Variants in GCC2 observed in about 807,000 individuals in gnomAD.
The protein encoded by GCC2 is GRIP and coiled-coil domain containing 2.
In GCC2, 120 loss-of-function variants were observed where a neutral mutation model predicts 210.6. The observed-to-expected ratio is 0.57, with a 90% confidence interval of 0.49 to 0.66. The LOEUF (loss-of-function observed/expected upper bound fraction) is 0.66. Among genes scored for constraint, GCC2 ranks in the 30% least tolerant of loss-of-function variants. The pLI is 0.00. For missense variants in GCC2, 1,868 were observed against 1,871.9 expected (o/e 1.00, Z 0.04); for synonymous variants, 703 against 652.7 (o/e 1.08, Z -1.17).
chr2:108,507,438 T>TA lies in GCC2; in HGVS notation c.4985-116dup, dbSNP rs1321672070. 2.4e-5 allele frequency: 12 copies of TA among 495,812 alleles called. No homozygotes were observed. In the South Asian group the frequency reaches 2.4e-4, roughly 10 times the overall value. The allele number at this position is 495,812 out of a possible 1,614,324, so 30.7% of individuals were successfully genotyped here. On this transcript the variant is annotated intron_variant, in intron 22 of 22. Transcript: ENST00000309863. ...CCCCAAAAAAAAGGCATGTAATCAG[T>TA]AAAAAACACATTATTTGCTTATATT...
chr2:108,503,535 A>T (rs1683033415), intron 22 of GCC2, among the ~76,000 whole-genome samples: 2 of 152,168 alleles, frequency 1.3e-5, no homozygotes, highest in African/African-American at 4.8e-5. Flanking sequence ...TGGTCACACT[A>T]GGGGCATTTT....
At chr2:108,481,535 T>A (rs540131418) in intron 9 of GCC2, among the ~76,000 whole-genome samples, 162 bp from the exon 10 acceptor site, 2 of 152,208 alleles carry the variant, frequency 1.3e-5, no homozygotes, top group Non-Finnish European at 2.9e-5. Flanking sequence ...ACCCAAAATG[T>A]GCTAGTTTTA....
chr2:108,502,586 CAA>C (rs1225775256), intron 22 of GCC2, among the ~76,000 whole-genome samples: 5 of 152,084 alleles, frequency 3.3e-5, no homozygotes, highest in African/African-American at 9.7e-5. Flanking sequence ...CAATTAAAAA[CAA>C]TGATGGTTTA....
Position 108,482,850 on chromosome 2 carries a change from G to A in GCC2, c.3346-212G>A, listed in dbSNP as rs563597093. Among the ~76,000 whole-genome samples, 38 of 151,908 alleles carry A rather than the reference G, an allele frequency of 2.5e-4. 1 individual carries two copies. The South Asian group carries it at 4.8e-3, about 19-fold the overall frequency. ...CACCACCATGCCCAGCTAATTTTCC[G>A]TGTGTATTTTTAGTGGAGACGGGGT... On this transcript the variant is annotated intron_variant, in intron 11 of 22. Transcript: ENST00000309863.
chr2:108,495,670 GGGAT>G (rs543129611), intron 20 of GCC2, 185 bp downstream of exon 20: 22 of 421,358 alleles, frequency 5.2e-5, no homozygotes, highest in East Asian at 8.8e-5. Context: ...ATGGATGGAT[GGGAT>G]GGATGGATGG....
intron 1 of GCC2, 21 bp from the exon 2 acceptor site, chr2:108,449,612 G>C: frequency 6.2e-7 from 1 of 1,610,612 alleles, no homozygotes; most frequent in Non-Finnish European, 8.5e-7. Flanking sequence ...TCTGACACCT[G>C]GGTTTGATTT....
chr2:108,469,208 G>A (rs1681058707), intron 5 of GCC2, 124 bp downstream of exon 5: 8 of 477,824 alleles, frequency 1.7e-5, no homozygotes, highest in South Asian at 9.9e-5. Flanking sequence ...CAAAGAAACC[G>A]AGATTGAGAT....
At chr2:108,462,844 T>C (rs1309117717) in intron 4 of GCC2, among the ~76,000 whole-genome samples, 1 of 151,844 alleles carries the variant, frequency 6.6e-6, no homozygotes, top group African/African-American at 2.4e-5. Flanking sequence ...ATTACAGGCA[T>C]GAGCCACCGC....
chr2:108,453,749 T>A (rs755819384), intron 4 of GCC2, among the ~76,000 whole-genome samples: 3 of 150,578 alleles, frequency 2.0e-5, no homozygotes, highest in Non-Finnish European at 4.4e-5. Flanking sequence ...TGAGCCACTG[T>A]ACTCCAGCCT....
At position 108,469,101 on chromosome 2, in the gene GCC2, G is replaced by C. The variant is rs770609525; in HGVS notation, c.321+17G>C. On this transcript the variant is annotated intron_variant, in intron 5 of 22. Transcript: ENST00000309863. ...GAGGTTGAGGTAAGTCAATATTTTA[G>C]TGTTCTTTTCTTTTTTATTAACATA... The C allele has an allele frequency of 2.0e-6, 3 of 1,463,642 alleles. No homozygotes were observed. Among genetic ancestry groups the C allele is most frequent in the Non-Finnish European group, 2.9e-6 (3 of 1,044,636 alleles). 90.7% of individuals were successfully genotyped at this position (1,463,642 alleles called of 1,614,324 possible). A position where few individuals can be genotyped will look rare whatever the true frequency, so the allele number is the denominator to read the frequency against.
chr2:108,485,961 G>A (rs1682119635), intron 15 of GCC2, 53 bp downstream of exon 15: 1 of 824,466 alleles, frequency 1.2e-6, no homozygotes, highest in Admixed American at 2.7e-5. Flanking sequence ...GTAGAAGTGA[G>A]GTACCATTTA....
In GCC2 at chr2:108,451,106, T is replaced by A; in HGVS notation, c.142T>A (p.Cys48Ser). Residue 48 changes from cysteine to serine, a missense_variant, in exon 3 of 23, where the codon TGT becomes AGT. Transcript: ENST00000309863. ...MMLIQKAKSR[C>S]TELEKEIEEL... ...GCTAATACAGAAAGCTAAATCAAGG[T>A]GTACAGGTATTGGGTTGAAAATACT... 1 of 1,591,692 alleles carries A rather than the reference T, an allele frequency of 6.3e-7. No homozygotes were observed. Among genetic ancestry groups the A allele is most frequent in the Non-Finnish European group, 8.6e-7 (1 of 1,160,038 alleles).
rs377725944 is a variant in GCC2, at chr2:108,471,119, A to T, written c.1790A>T (p.Asp597Val). Residue 597 changes from aspartate (D) to valine (V), a missense_variant, in exon 6 of 23, where the codon GAT becomes GTT. Around this residue, in one of 3 missense-constraint regions of GCC2, gnomAD observed 1,847 missense variants for 1,765.2 expected, o/e 1.05. Coordinates refer to ENST00000309863, the MANE Select transcript of GCC2 (RefSeq NM_181453.4). ...ATAAATTCTCTTACTGAGGAAAAAG[A>T]TGATTTTATAAATAAACTGAAAAAT... ...GKINSLTEEK[D>V]DFINKLKNSH... 8.7e-5 allele frequency: 138 copies of T among 1,586,480 alleles called. No homozygotes were observed. In the Middle Eastern group the frequency reaches 1.0e-3, roughly 12 times the overall value.
chr2:108,455,955 G>A (rs1680251849), intron 4 of GCC2, among the ~76,000 whole-genome samples: 1 of 152,064 alleles, frequency 6.6e-6, no homozygotes, highest in Non-Finnish European at 1.5e-5. Flanking sequence ...TTGTATGGTA[G>A]CTCTATTTTT....
chr2:108,495,377 C>T lies in GCC2; in HGVS notation c.4534C>T (p.Arg1512Trp), dbSNP rs781484576. ...LPLLDMHTVT[R>W]EEGEGMETTD... Reference sequence around the variant, plus strand: ...GCTTCTAGACATGCACACTGTAACCCGGGAAGAGGGAGAAGGCATGGAGAC... The same window carrying T: ...GCTTCTAGACATGCACACTGTAACCTGGGAAGAGGGAGAAGGCATGGAGAC... The change falls in exon 20 of 23, where the codon CGG becomes TGG. Residue 1512 changes from arginine to tryptophan, a missense_variant. Physicochemically the swap from Arg to Trp is moderately radical, Grantham distance 101. This residue lies in a region of GCC2 where 1,847 missense variants were observed against 1,765.2 expected (regional missense o/e 1.05). Transcript: ENST00000309863. 7.0e-6 allele frequency: 11 copies of T among 1,576,062 alleles called. No homozygotes were observed. In the Admixed American group the frequency reaches 8.3e-5, roughly 12 times the overall value.
intron 4 of GCC2, among the ~76,000 whole-genome samples, chr2:108,463,010 T>C (rs972602509): frequency 6.6e-6 from 1 of 152,168 alleles, no homozygotes. Flanking sequence ...TGTTTTTTAT[T>C]CTATGAATTC....
chr2:108,449,504 A>C, intron 1 of GCC2, 129 bp from the exon 2 acceptor site: 2 of 1,222,428 alleles, frequency 1.6e-6, no homozygotes, highest in Non-Finnish European at 2.4e-6. Flanking sequence ...GTCCGCCCTC[A>C]TTCTCTGTCT....
At chr2:108,454,250 G>A (rs1380552021) in intron 4 of GCC2, among the ~76,000 whole-genome samples, 1 of 152,110 alleles carries the variant, frequency 6.6e-6, no homozygotes, top group African/African-American at 2.4e-5. Context: ...TCGTCCTCCC[G>A]AAGTGCTGGG....
intron 22 of GCC2, among the ~76,000 whole-genome samples, chr2:108,503,116 T>C (rs1683010877): frequency 6.6e-6 from 1 of 151,862 alleles, no homozygotes; most frequent in Admixed American, 6.6e-5. Flanking sequence ...CTTTCAGAAC[T>C]GTTGAAGGAT....
Sources: allele counts gnomAD v4.1 joint callset (sites outside exome capture counted in the v4.1 genomes callset), GRCh38; gene constraint gnomAD v4.1.1; regional missense constraint gnomAD v4.1.1; transcripts MANE v1.5; gene names NCBI Gene and HGNC (gene_info 2026-07-23, HGNC 2026-07-21).